Variants in SLC38A4 observed in about 807,000 individuals in gnomAD.
SLC38A4 encodes sodium-coupled neutral amino acid transporter 4.
A neutral mutation model predicts 63.1 loss-of-function variants in SLC38A4; 20 were observed. The ratio of observed to expected loss-of-function variants is 0.32; its 90% confidence interval spans 0.22 to 0.46. The LOEUF (loss-of-function observed/expected upper bound fraction) is 0.46. Ranked by LOEUF, SLC38A4 falls within the 20% of genes least tolerant of loss-of-function variation. SLC38A4 has a pLI of 1.00. For missense variants in SLC38A4, 526 were observed against 663.6 expected, an observed-to-expected ratio of 0.79 and a Z score of 2.28; for synonymous variants, 230 against 225.5, an observed-to-expected ratio of 1.02 and a Z score of -0.18.
intron 1 of SLC38A4, among the ~76,000 whole-genome samples, chr12:46,807,035 C>T (rs1030489421): frequency 2.6e-5 from 4 of 151,720 alleles, no homozygotes; most frequent in African/African-American, 4.8e-5. Context: ...TATTTTGCAA[C>T]GACAGTGGGA....
chr12:46,823,026 G>T (rs1482890944), intron 1 of SLC38A4, among the ~76,000 whole-genome samples: 1 of 152,038 alleles, frequency 6.6e-6, no homozygotes, highest in Admixed American at 6.6e-5. Context: ...TTCAAAAACT[G>T]CATTACTTCC....
intron 7 of SLC38A4, among the ~76,000 whole-genome samples, chr12:46,782,691 A>G (rs1255650488): frequency 6.6e-6 from 1 of 151,680 alleles, no homozygotes. Flanking sequence ...GCAGAGAACC[A>G]GGGAGGAGAG....
chr12:46,812,378 TTCATCC>T (rs1237317813), intron 1 of SLC38A4, among the ~76,000 whole-genome samples: 1 of 152,076 alleles, frequency 6.6e-6, no homozygotes, highest in African/African-American at 2.4e-5. Context: ...AAACTGTCTG[TTCATCC>T]CTTTTTATCT....
At chr12:46,775,003 T>C (rs1432877872) in intron 14 of SLC38A4, 46 bp downstream of exon 14, 2 of 1,600,248 alleles carry the variant, frequency 1.2e-6, no homozygotes, top group Middle Eastern at 3.3e-4. Flanking sequence ...ATGTACTAAT[T>C]TATGGGGTCA....
intron 4 of SLC38A4, 59 bp downstream of exon 4, chr12:46,788,469 C>G (rs1938810096): frequency 7.4e-7 from 1 of 1,349,528 alleles, no homozygotes; most frequent in Admixed American, 1.7e-5. Context: ...CCCACAGAGA[C>G]CTAGGTAGAT....
At chr12:46,802,682 C>G (rs1027897129) in intron 2 of SLC38A4, among the ~76,000 whole-genome samples, 5 of 151,886 alleles carry the variant, frequency 3.3e-5, no homozygotes, top group African/African-American at 1.2e-4. Context: ...AAAACACACC[C>G]AAATTTCTTT....
chr12:46,766,782 A>C lies in SLC38A4; in HGVS notation c.1563T>G (p.Val521=), dbSNP rs1938309711. The change falls in exon 17 of 17, where the codon GTT becomes GTG. Residue 521 remains valine (V), a synonymous_variant. Coordinates refer to ENST00000266579, the MANE Select transcript of SLC38A4 (RefSeq NM_018018.5). ...QKVGALIFLV[V]GIFFMIGSMA... is the part of the protein sequence containing the mutation. ...TGCTTCCAATCATGAAGAATATTCC[A>C]ACCACAAGGAAAATTAAAGCCTGTA... 2 of 1,610,484 alleles carry C rather than the reference A, an allele frequency of 1.2e-6. No individual in the cohort carries two copies. The highest frequency in any genetic ancestry group is 1.1e-5 in the South Asian group (1 of 90,690).
chr12:46,785,396 T>C (rs556751284), intron 5 of SLC38A4, among the ~76,000 whole-genome samples: 1 of 952 alleles, frequency 1.1e-3, no homozygotes, highest in Non-Finnish European at 0.024. Context: ...CTGAAGTCCC[T>C]AACTTTTTTA....
intron 7 of SLC38A4, among the ~76,000 whole-genome samples, chr12:46,780,689 G>C (rs1448784548): frequency 6.6e-6 from 1 of 151,786 alleles, no homozygotes; most frequent in East Asian, 1.9e-4. Context: ...TGAGCATCTA[G>C]GTAAGTGATA....
intron 1 of SLC38A4, among the ~76,000 whole-genome samples, chr12:46,813,980 T>G (rs570672564): frequency 6.6e-6 from 1 of 152,172 alleles, no homozygotes; most frequent in Non-Finnish European, 1.5e-5. Flanking sequence ...AATAAGTCTT[T>G]TTTGAATAAG....
chr12:46,811,773 G>T, intron 1 of SLC38A4, among the ~76,000 whole-genome samples: 1 of 151,900 alleles, frequency 6.6e-6, no homozygotes, highest in Non-Finnish European at 1.5e-5. Flanking sequence ...TGTGGACCTG[G>T]TCCTCTGCTT....
chr12:46,821,113 C>T (rs998248569), intron 1 of SLC38A4, among the ~76,000 whole-genome samples: 3 of 152,018 alleles, frequency 2.0e-5, no homozygotes, highest in Non-Finnish European at 4.4e-5. Flanking sequence ...CCGCAGGTTG[C>T]CTTTTCATTC....
intron 1 of SLC38A4, among the ~76,000 whole-genome samples, chr12:46,816,425 A>G (rs940371528): frequency 6.6e-6 from 1 of 151,910 alleles, no homozygotes; most frequent in Non-Finnish European, 1.5e-5. Flanking sequence ...TTTGCCTGAC[A>G]CTTTCTGTAT....
Position 46,793,251 on chromosome 12 carries a change from T to C in SLC38A4, c.-112-68A>G, listed in dbSNP as rs188852590. On this transcript the variant is annotated intron_variant, in intron 2 of 16. Transcript: ENST00000266579. ...ATGAAATAAGTGAATATGAATCATC[T>C]ACATTTTGTATGCTCTCTGTAAAAG... is the stretch of plus-strand genomic sequence containing the variant. 9 of 416,828 alleles carry C rather than the reference T, an allele frequency of 2.2e-5. No homozygotes were observed. In the East Asian group the frequency reaches 3.6e-4, roughly 17 times the overall value. 25.8% of individuals were successfully genotyped at this position (416,828 alleles called of 1,614,324 possible).
chr12:46,828,446 C>T (rs185046668), upstream of SLC38A4, among the ~76,000 whole-genome samples: 189 of 152,204 alleles, frequency 1.2e-3, no homozygotes, highest in African/African-American at 4.4e-3. Context: ...CTTAGCCTCT[C>T]GAGTATCTGG....
rs563453124 is a variant in SLC38A4 at position 46,801,496 on chromosome 12, G to A, written c.-113+2107C>T. Among the ~76,000 whole-genome samples, 5 of 152,154 alleles carry A rather than the reference G, an allele frequency of 3.3e-5. No individual in the cohort carries two copies. The South Asian group carries it at 1.0e-3, about 32-fold the overall frequency. On this transcript the variant is annotated intron_variant, in intron 2 of 16. Transcript: ENST00000266579. ...GTGAAAAAGGGAGCTAATATAGCCA[G>A]AGCAGATTTCCCAGCATTGCTATCT...
rs1161755145 is a variant in SLC38A4 at position 46,780,124 on chromosome 12, TA to T, written c.494-95del. On this transcript the variant is annotated intron_variant, in intron 7 of 16. Transcript: ENST00000266579. ...ATTTGGGATATGTAAGATGAACATC[TA>T]ATCCCCCAAATGGAAAAAAAAGTCA... 6.4e-6 allele frequency: 6 copies of T among 931,186 alleles called. No individual in the cohort carries two copies. In the East Asian group the frequency reaches 1.5e-4, roughly 23 times the overall value. The allele number at this position is 931,186 out of a possible 1,614,324, so 57.7% of individuals were successfully genotyped here. A position where few individuals can be genotyped will look rare whatever the true frequency, so the allele number is the denominator to read the frequency against.
chr12:46,801,808 G>A (rs939936887), intron 2 of SLC38A4, among the ~76,000 whole-genome samples: 8 of 151,986 alleles, frequency 5.3e-5, no homozygotes, highest in South Asian at 2.1e-4. Context: ...CAGTGAGAGC[G>A]CTTGTTGGTC....
intron 1 of SLC38A4, among the ~76,000 whole-genome samples, chr12:46,817,248 C>T (rs770634639): frequency 6.6e-6 from 1 of 151,844 alleles, no homozygotes; most frequent in Non-Finnish European, 1.5e-5. Flanking sequence ...CAACAGCAAA[C>T]TCATACGACT....
Sources: allele counts gnomAD v4.1 joint callset (sites outside exome capture counted in the v4.1 genomes callset), GRCh38; gene constraint gnomAD v4.1.1; transcripts MANE v1.5; gene names NCBI Gene and HGNC (gene_info 2026-07-23, HGNC 2026-07-21).